Variants in ZNF133 observed in about 807,000 individuals in gnomAD.
The protein encoded by ZNF133 is zinc finger protein 133, also known as zinc finger protein 133 (clone pHZ-13).
In ZNF133, 26 loss-of-function variants were observed where a neutral mutation model predicts 54.9. That is an observed-to-expected ratio of 0.47 (90% CI 0.35 to 0.66). ZNF133 has a LOEUF of 0.66. ZNF133 is among the 30% of genes least tolerant of loss of function. The pLI, the probability that ZNF133 is intolerant of heterozygous loss-of-function variation, is 0.01. For missense variants in ZNF133, 653 were observed against 820.8 expected, an observed-to-expected ratio of 0.80 and a Z score of 2.50; for synonymous variants, 298 against 320.3, an observed-to-expected ratio of 0.93 and a Z score of 0.74.
At position 18,305,828 on chromosome 20, in the gene ZNF133, G is replaced by C. The variant is rs745689658; in HGVS notation, c.121+21G>C. The C allele has an allele frequency of 4.4e-6, 7 of 1,590,964 alleles. No homozygotes were observed. The South Asian group carries it at 7.9e-5, about 18-fold the overall frequency. On this transcript the variant is annotated intron_variant, in intron 5 of 6. Coordinates refer to ENST00000425686, the MANE Select transcript of ZNF133 (RefSeq NM_001352452.2). This position sits in a 1 kb window ranked among gnomAD's most constrained non-coding sequence, Gnocchi z 4.7. ...ACTGGGTAAGCCTGATATCTGTTAG[G>C]ATTCCCATTCTTATTGCTGGGAATT...
chr20:18,298,058 G>C lies in ZNF133; in HGVS notation c.-358G>C. The C allele has an allele frequency of 6.5e-7, 1 of 1,535,516 alleles. No homozygotes were observed. Among genetic ancestry groups the C allele is most frequent in the Non-Finnish European group, 8.7e-7 (1 of 1,146,816 alleles). On this transcript the variant is annotated 5_prime_UTR_variant, in exon 2 of 7. Transcript: ENST00000425686. The stretch of plus-strand genomic sequence containing the variant: ...GCCACAGGGTCCCGGAGAGCCAGGG[G>C]AATGGTGAGTGTTTCCTGTCTCCAT...
intron 3 of ZNF133, 25 bp downstream of exon 3, chr20:18,298,489 T>G: frequency 4.0e-6 from 1 of 247,950 alleles, no homozygotes; most frequent in Non-Finnish European, 6.7e-6. Flanking sequence ...ATTTTAGCTC[T>G]TAGTATAGTA....
chr20:18,308,788 A>G (rs535886467), intron 6 of ZNF133, among the ~76,000 whole-genome samples: 100 of 152,356 alleles, frequency 6.6e-4, no homozygotes, highest in African/African-American at 2.4e-3. Flanking sequence ...TTAATAACAG[A>G]TAAATTTCAT....
intron 1 of ZNF133, among the ~76,000 whole-genome samples, chr20:18,294,447 T>C (rs908421132): frequency 2.6e-5 from 4 of 152,210 alleles, no homozygotes; most frequent in Non-Finnish European, 4.4e-5. Flanking sequence ...GTGGAAAAAC[T>C]GGCAAAATTT....
chr20:18,307,234 G>A (rs2044846464), intron 6 of ZNF133, among the ~76,000 whole-genome samples: 1 of 151,888 alleles, frequency 6.6e-6, no homozygotes, highest in Non-Finnish European at 1.5e-5. Context: ...TGTTCTTTTT[G>A]TTTGTTTGAA....
chr20:18,306,474 C>T lies in ZNF133; in HGVS notation c.217+81C>T, dbSNP rs1371516384. 6 of 1,409,000 alleles carry T rather than the reference C, an allele frequency of 4.3e-6. No individual in the cohort carries two copies. In the African/African-American group the frequency reaches 8.5e-5, roughly 20 times the overall value. The allele number at this position is 1,409,000 out of a possible 1,614,324, so 87.3% of individuals were successfully genotyped here. On this transcript the variant is annotated intron_variant, in intron 6 of 6. Coordinates refer to ENST00000425686, the MANE Select transcript of ZNF133 (RefSeq NM_001352452.2). ...GGGGAGAGGAGGCGTTGCTCAGGTG[C>T]TGGGGAGGGAAGCTGTTCCCCTGAC...
rs1282269121 is a variant in ZNF133 at position 18,316,339 on chromosome 20, T to C, written c.1488T>C (p.Cys496=). 1 of 1,606,098 alleles carries C rather than the reference T, an allele frequency of 6.2e-7. No individual in the cohort carries two copies. The highest frequency in any genetic ancestry group is 2.3e-5 in the East Asian group (1 of 44,174). Residue 496 remains cysteine, a synonymous_variant, in exon 7 of 7, where the codon TGT becomes TGC. Transcript: ENST00000425686. ...RTHSGEKPMV[C]GECGRGFSQK... ...ACTCAGGCGAGAAGCCCATGGTGTG[T>C]GGGGAGTGCGGGCGAGGCTTCAGCC...
In ZNF133 at chr20:18,314,645, G is replaced by A. The variant is rs147217841; in HGVS notation, c.218-424G>A. 654 of 157,412 alleles carry A rather than the reference G, an allele frequency of 4.2e-3. 7 individuals carry two copies. Among genetic ancestry groups the A allele is most frequent in the African/African-American group, 0.015 (616 of 41,674 alleles). 9.8% of individuals were successfully genotyped at this position (157,412 alleles called of 1,614,324 possible). A position where few individuals can be genotyped will look rare whatever the true frequency, so the allele number is the denominator to read the frequency against. ...AACTGCTTTCTCAATCCATCCCCTT[G>A]TCCTCATAGGGAAATAAGGAAGGAC... On this transcript the variant is annotated intron_variant, in intron 6 of 6. Coordinates refer to ENST00000425686, the MANE Select transcript of ZNF133 (RefSeq NM_001352452.2).
chr20:18,298,367 C>A lies in ZNF133; in HGVS notation c.-275C>A. 1 of 1,239,952 alleles carries A rather than the reference C, an allele frequency of 8.1e-7. No homozygotes were observed. Among genetic ancestry groups the A allele is most frequent in the South Asian group, 2.2e-5 (1 of 46,510 alleles). 76.8% of individuals were successfully genotyped at this position (1,239,952 alleles called of 1,614,324 possible). A position where few individuals can be genotyped will look rare whatever the true frequency, so the allele number is the denominator to read the frequency against. On this transcript the variant is annotated 5_prime_UTR_variant, in exon 3 of 7. Coordinates refer to ENST00000425686, the MANE Select transcript of ZNF133 (RefSeq NM_001352452.2). ...TCTGGAATCTGTGTCCCCACCTAGACAACGATTATACTGGCAGGATCTATC... is the reference window on the plus strand; with the variant it reads ...TCTGGAATCTGTGTCCCCACCTAGAAAACGATTATACTGGCAGGATCTATC...
chr20:18,310,206 A>G lies in ZNF133; in HGVS notation c.217+3813A>G, dbSNP rs555407491. 19 of 1,463,162 alleles carry G rather than the reference A, an allele frequency of 1.3e-5. No homozygotes were observed. The African/African-American group carries it at 2.3e-4, about 18-fold the overall frequency. The allele number at this position is 1,463,162 out of a possible 1,614,324, so 90.6% of individuals were successfully genotyped here. A position where few individuals can be genotyped will look rare whatever the true frequency, so the allele number is the denominator to read the frequency against. ...TCTTACAATGATGTTGAGCACATTA[A>G]AAAGAATGCTGTACAATCCAAGGAG... On this transcript the variant is annotated intron_variant, in intron 6 of 6. Transcript: ENST00000425686.
At position 18,306,323 on chromosome 20, in the gene ZNF133, C is replaced by T. The variant is rs1375763832; in HGVS notation, c.147C>T (p.Leu49=). 1.9e-6 allele frequency: 3 copies of T among 1,613,936 alleles called. No homozygotes were observed. Among genetic ancestry groups the T allele is most frequent in the Non-Finnish European group, 2.5e-6 (3 of 1,179,924 alleles). ...GAATTTCATTTTCTAAACCAGAACT[C>T]ATCACCCAGCTGGAGCAAGGGAAAG... is the stretch of plus-strand genomic sequence containing the variant. The part of the protein sequence containing the change: ...SLGISFSKPE[L]ITQLEQGKET... Residue 49 remains leucine, a synonymous_variant, in exon 6 of 7, where the codon CTC becomes CTT. Transcript: ENST00000425686.
At chr20:18,311,638 A>G (rs1272468627) in intron 6 of ZNF133, among the ~76,000 whole-genome samples, 1 of 152,208 alleles carries the variant, frequency 6.6e-6, no homozygotes, top group Non-Finnish European at 1.5e-5. Context: ...AAATACAAGT[A>G]AAATTATTGC....
chr20:18,305,276 C>A lies in ZNF133; in HGVS notation c.-7+98C>A. ...CTACTCTCTGCTTGTGACCATCAGGCCCGAGAAAGCCAAGCCGTAGGATTT... is the reference window on the plus strand; with the variant it reads ...CTACTCTCTGCTTGTGACCATCAGGACCGAGAAAGCCAAGCCGTAGGATTT... On this transcript the variant is annotated intron_variant, in intron 4 of 6. Transcript: ENST00000425686. This position sits in a 1 kb window ranked among gnomAD's most constrained non-coding sequence, Gnocchi z 4.7. 3.5e-6 allele frequency: 3 copies of A among 853,696 alleles called. No individual in the cohort carries two copies. Among genetic ancestry groups the A allele is most frequent in the Non-Finnish European group, 4.3e-6 (3 of 704,678 alleles). The allele number at this position is 853,696 out of a possible 1,614,324, so 52.9% of individuals were successfully genotyped here.
At position 18,311,180 on chromosome 20, in the gene ZNF133, G is replaced by T. The variant is rs1463061764; in HGVS notation, c.218-3889G>T. On this transcript the variant is annotated intron_variant, in intron 6 of 6. Coordinates refer to ENST00000425686, the MANE Select transcript of ZNF133 (RefSeq NM_001352452.2). ...AAAAAAATTTTTATAATTAGCCAGG[G>T]TGAGGTGTTGTGTGCCTGTAGTCCC... Among the ~76,000 whole-genome samples the T allele has an allele frequency of 2.0e-5, 3 of 152,128 alleles. No homozygotes were observed. In the East Asian group the frequency reaches 5.8e-4, roughly 29 times the overall value.
In ZNF133 at chr20:18,316,222, G is replaced by A; in HGVS notation, c.1371G>A (p.Gln457=). ...TCAAGTCACACCTCAACAGACACCA[G>A]AACATACACTCAGGAGAGAAGCCCA... The part of the protein sequence containing the change: ...FSLKSHLNRH[Q]NIHSGEKPIV... The change falls in exon 7 of 7, where the codon CAG becomes CAA. Residue 457 remains glutamine, a synonymous_variant. Transcript: ENST00000425686. 1.2e-6 allele frequency: 2 copies of A among 1,608,508 alleles called. No individual in the cohort carries two copies. Among genetic ancestry groups the A allele is most frequent in the Non-Finnish European group, 1.7e-6 (2 of 1,177,164 alleles).
In ZNF133 at chr20:18,315,961, C is replaced by T. The variant is rs2047357407; in HGVS notation, c.1110C>T (p.Ile370=). Residue 370 remains isoleucine, a synonymous_variant, in exon 7 of 7, where the codon ATC becomes ATT. Coordinates refer to ENST00000425686, the MANE Select transcript of ZNF133 (RefSeq NM_001352452.2). ...GCTTCAGCGACAGGTCAAACCTCATCTCCCACCAGAGGACGCACTCTGGGG... is the reference window on the plus strand; with the variant it reads ...GCTTCAGCGACAGGTCAAACCTCATTTCCCACCAGAGGACGCACTCTGGGG... ...GLGFSDRSNL[I]SHQRTHSGEK... The T allele has an allele frequency of 6.2e-7, 1 of 1,614,016 alleles. No homozygotes were observed. Among genetic ancestry groups the T allele is most frequent in the African/African-American group, 1.3e-5 (1 of 74,926 alleles).
chr20:18,306,206 C>A, intron 5 of ZNF133, 92 bp from the exon 6 acceptor site: 2 of 1,244,964 alleles, frequency 1.6e-6, no homozygotes, highest in South Asian at 1.4e-5. Context: ...CTTTGTACTA[C>A]CTTTGAAGTT....
intron 6 of ZNF133, among the ~76,000 whole-genome samples, chr20:18,307,423 G>A (rs778017583): frequency 1.3e-5 from 2 of 152,224 alleles, no homozygotes; most frequent in African/African-American, 4.8e-5. Flanking sequence ...TTTTCAGCAC[G>A]TTAAAGATAG....
At position 18,316,268 on chromosome 20, in the gene ZNF133, C is replaced by T. The variant is rs775728011; in HGVS notation, c.1417C>T (p.Arg473Trp). ...EKPIVCKDCG[R>W]GFSQQSNLIR... ...GCCCATTGTGTGCAAGGACTGTGGC[C>T]GGGGCTTCAGCCAGCAATCCAACCT... is the stretch of plus-strand genomic sequence containing the variant. The change falls in exon 7 of 7, where the codon CGG becomes TGG. Residue 473 changes from arginine (R) to tryptophan (W), a missense_variant. This residue lies in a region of ZNF133 where 292 missense variants were observed against 431.6 expected (regional missense o/e 0.68). Transcript: ENST00000425686. 4 of 1,611,062 alleles carry T rather than the reference C, an allele frequency of 2.5e-6. No homozygotes were observed. Among genetic ancestry groups the T allele is most frequent in the African/African-American group, 2.7e-5 (2 of 74,744 alleles).
Sources: allele counts gnomAD v4.1 joint callset (sites outside exome capture counted in the v4.1 genomes callset), GRCh38; gene constraint gnomAD v4.1.1; regional missense constraint gnomAD v4.1.1; non-coding constraint Gnocchi (gnomAD v3.1); transcripts MANE v1.5; gene names NCBI Gene and HGNC (gene_info 2026-07-23, HGNC 2026-07-21).